Variants in BBS9 observed in about 807,000 individuals in gnomAD.
The protein encoded by BBS9 is Bardet-Biedl syndrome 9.
BBS9 carries 89 observed loss-of-function variants against 117.7 expected under a neutral mutation model. The observed-to-expected ratio is 0.76, with a 90% confidence interval of 0.64 to 0.90. The LOEUF (loss-of-function observed/expected upper bound fraction) is 0.90. Ranked by LOEUF, BBS9 falls within the 40% of genes least tolerant of loss-of-function variation. BBS9 has a pLI of 0.00. For synonymous variants in BBS9, 379 were observed against 370.9 expected (o/e 1.02, Z -0.25); for missense variants, 982 against 1,042.2 (o/e 0.94, Z 0.80).
At chr7:33,454,832 C>T (rs556837953) in intron 19 of BBS9, among the ~76,000 whole-genome samples, 1 of 152,286 alleles carries the variant, frequency 6.6e-6, no homozygotes, top group Admixed American at 6.5e-5. Context: ...GGTGCAGTCT[C>T]TTTGTACATC....
At chr7:33,524,242 A>G (rs1245965792) in intron 20 of BBS9, among the ~76,000 whole-genome samples, 2 of 151,602 alleles carry the variant, frequency 1.3e-5, no homozygotes, top group African/African-American at 4.9e-5. Flanking sequence ...CAGCTTTGGT[A>G]TCAGAATGAT....
intron 1 of BBS9, among the ~76,000 whole-genome samples, chr7:33,138,756 T>C (rs1212795872): frequency 2.0e-5 from 3 of 150,548 alleles, no homozygotes; most frequent in African/African-American, 7.3e-5. Context: ...CTAATATTTT[T>C]TTTTTGGTGG....
chr7:33,453,700 A>G (rs1838230730), intron 19 of BBS9, among the ~76,000 whole-genome samples: 1 of 151,900 alleles, frequency 6.6e-6, no homozygotes, highest in Non-Finnish European at 1.5e-5. Flanking sequence ...TTTGTATGTT[A>G]GTAGAGACAG....
chr7:33,593,134 T>A (rs1299137365), intron 21 of BBS9, among the ~76,000 whole-genome samples: 6 of 152,102 alleles, frequency 3.9e-5, no homozygotes, highest in Non-Finnish European at 2.9e-5. Context: ...AAATAAAAAA[T>A]CACAAATACC....
intron 19 of BBS9, among the ~76,000 whole-genome samples, chr7:33,453,826 ATTTTC>A (rs1198064680): frequency 6.6e-6 from 1 of 151,986 alleles, no homozygotes; most frequent in African/African-American, 2.4e-5. Context: ...CTTTCTTAAC[ATTTTC>A]TTTTCTTTAG....
chr7:33,190,356 C>T lies in BBS9; in HGVS notation c.442+12765C>T, dbSNP rs114661544. The stretch of plus-strand genomic sequence containing the variant: ...TGAGCTTACCTGTTAACACACAACT[C>T]AAGAGTTAAATGTTACCGTCAAAAA... On this transcript the variant is annotated intron_variant, in intron 5 of 22. Coordinates refer to ENST00000242067, the MANE Select transcript of BBS9 (RefSeq NM_198428.3). Among the ~76,000 whole-genome samples the T allele has an allele frequency of 2.4e-3, 370 of 152,264 alleles. 1 individual carries two copies. The highest frequency in any genetic ancestry group is 8.7e-3 in the African/African-American group (361 of 41,566).
chr7:33,492,213 AC>A lies in BBS9; in HGVS notation c.2116-13249del, dbSNP rs200725125. 1.7e-3 allele frequency among the ~76,000 whole-genome samples: 243 copies of A among 144,144 alleles called. 7 individuals are homozygous for A. The South Asian group carries it at 0.017, about 10-fold the overall frequency. The allele number at this position is 144,144 out of a possible 152,430, so 94.6% of individuals were successfully genotyped here. A position where few individuals can be genotyped will look rare whatever the true frequency, so the allele number is the denominator to read the frequency against. ...GCAAGATTCCACCTCGAAAAAAAAAACAAAAAAAAAACAAAAAAAAAACTTG... is the reference window on the plus strand; with the variant it reads ...GCAAGATTCCACCTCGAAAAAAAAAAAAAAAAAAAACAAAAAAAAAACTTG... On this transcript the variant is annotated intron_variant, in intron 19 of 22. Coordinates refer to ENST00000242067, the MANE Select transcript of BBS9 (RefSeq NM_198428.3).
intron 16 of BBS9, among the ~76,000 whole-genome samples, chr7:33,366,641 T>A (rs1329628791): frequency 2.1e-5 from 3 of 141,366 alleles, no homozygotes; most frequent in African/African-American, 8.0e-5. Context: ...ACCTCCTGGG[T>A]TCAAGCGATT....
rs187148800 is a variant in BBS9, at chr7:33,270,988, G to A, written c.703-2024G>A. ...AAAGGTCAGGTTACCTCCAAAGGGA[G>A]CTCCATCAGGCTAATAGCGGACCTT... On this transcript the variant is annotated intron_variant, in intron 7 of 22. Transcript: ENST00000242067. Among the ~76,000 whole-genome samples, 7 of 152,308 alleles carry A rather than the reference G, an allele frequency of 4.6e-5. No individual in the cohort carries two copies. In the East Asian group the frequency reaches 1.2e-3, roughly 25 times the overall value.
At chr7:33,192,997 C>G (rs1784372881) in intron 5 of BBS9, among the ~76,000 whole-genome samples, 1 of 152,206 alleles carries the variant, frequency 6.6e-6, no homozygotes, top group Non-Finnish European at 1.5e-5. Flanking sequence ...GGATGACGTT[C>G]AGACCATAGC....
chr7:33,518,020 T>G (rs541668768), intron 20 of BBS9, among the ~76,000 whole-genome samples: 23 of 152,292 alleles, frequency 1.5e-4, no homozygotes, highest in Middle Eastern at 3.4e-3. Flanking sequence ...TCAAGCTATA[T>G]AATTAATTTT....
chr7:33,409,563 A>T (rs1830725026), intron 19 of BBS9, among the ~76,000 whole-genome samples: 1 of 152,202 alleles, frequency 6.6e-6, no homozygotes, highest in African/African-American at 2.4e-5. Flanking sequence ...GTAGCCTTGT[A>T]GTATAGTTTG....
intron 21 of BBS9, among the ~76,000 whole-genome samples, chr7:33,588,064 G>A (rs1433346457): frequency 6.6e-6 from 1 of 151,958 alleles, no homozygotes; most frequent in Non-Finnish European, 1.5e-5. Context: ...CTATTATCAA[G>A]AACTGGAATT....
At chr7:33,262,909 G>T (rs187894115) in intron 6 of BBS9, among the ~76,000 whole-genome samples, 1 of 152,098 alleles carries the variant, frequency 6.6e-6, no homozygotes. Context: ...TTGGTACTAC[G>T]TGCATACCTT....
At chr7:33,386,315 T>C (rs936039163) in intron 18 of BBS9, among the ~76,000 whole-genome samples, 10 of 152,030 alleles carry the variant, frequency 6.6e-5, no homozygotes, top group Admixed American at 2.0e-4. Flanking sequence ...TAGACTACGA[T>C]ATGTTTGACT....
chr7:33,215,061 G>C (rs974884598), intron 5 of BBS9, among the ~76,000 whole-genome samples: 1 of 152,110 alleles, frequency 6.6e-6, no homozygotes, highest in African/African-American at 2.4e-5. Flanking sequence ...GCATGGTGGC[G>C]GGTACCTGTA....
At chr7:33,181,222 G>T (rs1306424852) in intron 5 of BBS9, among the ~76,000 whole-genome samples, 5 of 152,152 alleles carry the variant, frequency 3.3e-5, no homozygotes, top group African/African-American at 4.8e-5. Context: ...AAGGGTGCAA[G>T]GAGCCTTCTG....
intron 9 of BBS9, among the ~76,000 whole-genome samples, chr7:33,320,965 A>G (rs769358758): frequency 2.6e-5 from 4 of 151,994 alleles, no homozygotes; most frequent in Non-Finnish European, 5.9e-5. Flanking sequence ...GTATTCCCAG[A>G]CCCACTTATT....
intron 4 of BBS9, among the ~76,000 whole-genome samples, chr7:33,162,348 G>T (rs949017011): frequency 6.6e-6 from 1 of 152,118 alleles, no homozygotes; most frequent in Non-Finnish European, 1.5e-5. Context: ...GTAAAGATCA[G>T]ATGGTTGTAG....
Sources: allele counts gnomAD v4.1 joint callset (sites outside exome capture counted in the v4.1 genomes callset), GRCh38; gene constraint gnomAD v4.1.1; transcripts MANE v1.5; gene names NCBI Gene and HGNC (gene_info 2026-07-23, HGNC 2026-07-21).